CSNK2A2IP: variants seen among roughly 807,000 people sequenced by gnomAD.
The protein encoded by CSNK2A2IP is casein kinase 2 subunit alpha' interacting protein, also known as casein kinase II subunit alpha'-interacting protein.
At chr3:88,404,274 C>T in the CSNK2A2IP span, among the ~76,000 whole-genome samples, 4 of 152,060 alleles carry the variant, frequency 2.6e-5, no homozygotes, top group Non-Finnish European at 5.9e-5. Flanking sequence ...GATAACTTAA[C>T]ACCAATGGAA....
the CSNK2A2IP span, among the ~76,000 whole-genome samples, chr3:88,413,180 T>C: frequency 6.6e-6 from 1 of 152,076 alleles, no homozygotes; most frequent in Non-Finnish European, 1.5e-5. Flanking sequence ...GAAATATGCC[T>C]ACTCACCTAT....
the CSNK2A2IP span, among the ~76,000 whole-genome samples, chr3:88,360,752 T>G: frequency 6.6e-6 from 1 of 152,210 alleles, no homozygotes. Context: ...TTGTCTACCT[T>G]CTTCCTTTCT....
chr3:88,341,400 T>C, the CSNK2A2IP span, among the ~76,000 whole-genome samples: 1 of 151,744 alleles, frequency 6.6e-6, no homozygotes, highest in Non-Finnish European at 1.5e-5. Flanking sequence ...GCATCCTAGA[T>C]TTAGACTAGC....
the CSNK2A2IP span, among the ~76,000 whole-genome samples, chr3:88,349,433 G>A: frequency 6.6e-6 from 1 of 152,028 alleles, no homozygotes; most frequent in Non-Finnish European, 1.5e-5. Flanking sequence ...ACGGCTTCCA[G>A]TTCCATCCAA....
chr3:88,405,621 A>G, the CSNK2A2IP span, among the ~76,000 whole-genome samples: 1 of 152,170 alleles, frequency 6.6e-6, no homozygotes, highest in African/African-American at 2.4e-5. Flanking sequence ...CTCTAGCAAT[A>G]TCTCTTGTGA....
At chr3:88,449,120 G>C in the CSNK2A2IP span, among the ~76,000 whole-genome samples, 1 of 151,596 alleles carries the variant, frequency 6.6e-6, no homozygotes. Context: ...TAACATACAT[G>C]ATGTATGAGA....
At chr3:88,424,254 T>A in the CSNK2A2IP span, among the ~76,000 whole-genome samples, 2 of 152,192 alleles carry the variant, frequency 1.3e-5, no homozygotes. Flanking sequence ...TCATGTTAAA[T>A]TGGCATAGCA....
chr3:88,429,974 G>A, the CSNK2A2IP span, among the ~76,000 whole-genome samples: 2 of 151,442 alleles, frequency 1.3e-5, no homozygotes, highest in Admixed American at 6.6e-5. Context: ...TGTTAGTCAG[G>A]ATGGTCTCGA....
the CSNK2A2IP span, among the ~76,000 whole-genome samples, chr3:88,386,233 T>C: frequency 6.6e-6 from 1 of 152,130 alleles, no homozygotes; most frequent in Non-Finnish European, 1.5e-5. Context: ...CAAGCGATTC[T>C]CCCGCCTCAG....
At chr3:88,356,976 T>C in the CSNK2A2IP span, among the ~76,000 whole-genome samples, 405 of 137,248 alleles carry the variant, frequency 3.0e-3, 1 homozygote, top group African/African-American at 9.8e-3. Flanking sequence ...ACTTTTCTAG[T>C]GTGTTGTTTG....
the CSNK2A2IP span, among the ~76,000 whole-genome samples, chr3:88,346,973 A>G: frequency 6.6e-6 from 1 of 152,066 alleles, no homozygotes; most frequent in African/African-American, 2.4e-5. Context: ...ATTTATGGAA[A>G]GAGGTCAGAT....
the CSNK2A2IP span, among the ~76,000 whole-genome samples, chr3:88,451,870 A>G: frequency 1.3e-5 from 2 of 151,602 alleles, no homozygotes; most frequent in Non-Finnish European, 2.9e-5. Context: ...TTAAGTTTGG[A>G]CTGCAAATGC....
chr3:88,402,385 T>C, the CSNK2A2IP span, among the ~76,000 whole-genome samples: 1 of 152,012 alleles, frequency 6.6e-6, no homozygotes, highest in Non-Finnish European at 1.5e-5. Context: ...TTGACCAGGA[T>C]CCAGCATTCT....
the CSNK2A2IP span, among the ~76,000 whole-genome samples, chr3:88,455,742 G>A: frequency 6.6e-6 from 1 of 151,818 alleles, no homozygotes; most frequent in Admixed American, 6.6e-5. Context: ...TTTGTCATCT[G>A]TGCCTTTGGC....
the CSNK2A2IP span, among the ~76,000 whole-genome samples, chr3:88,464,119 C>T: frequency 7.0e-6 from 1 of 142,244 alleles, no homozygotes; most frequent in Non-Finnish European, 1.5e-5. Flanking sequence ...ACAATGAGAA[C>T]ACATGGACAC....
the CSNK2A2IP span, among the ~76,000 whole-genome samples, chr3:88,383,755 C>T: frequency 6.6e-6 from 1 of 151,588 alleles, no homozygotes; most frequent in African/African-American, 2.4e-5. Flanking sequence ...CCTCCGCCTC[C>T]CCGGTTCATG....
the CSNK2A2IP span, among the ~76,000 whole-genome samples, chr3:88,345,547 CA>C: frequency 6.6e-6 from 1 of 151,950 alleles, no homozygotes; most frequent in Admixed American, 6.6e-5. Flanking sequence ...TGGTAATTCT[CA>C]CAACATTTCA....
At chr3:88,447,288 A>G in the CSNK2A2IP span, among the ~76,000 whole-genome samples, 3 of 152,290 alleles carry the variant, frequency 2.0e-5, no homozygotes, top group South Asian at 4.1e-4. Flanking sequence ...AGAGGGAAGC[A>G]AAGAAATAAA....
At chr3:88,385,101 G>A in the CSNK2A2IP span, among the ~76,000 whole-genome samples, 1 of 152,154 alleles carries the variant, frequency 6.6e-6, no homozygotes, top group African/African-American at 2.4e-5. Flanking sequence ...ATATTCCATA[G>A]CATTAAATCA....
Sources: gnomAD v4.1 joint callset for allele counts (sites outside exome capture counted in the v4.1 genomes callset) on GRCh38, gnomAD v4.1.1 for gene constraint, MANE v1.5 for transcripts, NCBI Gene and HGNC (gene_info 2026-07-23, HGNC 2026-07-21) for gene names.